COA1: variants seen among roughly 807,000 people sequenced by gnomAD.
COA1 encodes the protein cytochrome c oxidase assembly factor 1, also known as cytochrome c oxidase assembly factor 1 homolog.
Under a neutral mutation model 16.0 loss-of-function variants are expected in COA1, and 13 were observed. The ratio of observed to expected loss-of-function variants is 0.81; its 90% CI spans 0.53 to 1.29. The LOEUF is 1.29. COA1 is among the 50% of genes most tolerant of loss of function. The pLI is 0.00. For synonymous variants in COA1, 65 were observed against 65.7 expected, an observed-to-expected ratio of 0.99 and a Z score of 0.05; for missense variants, 179 against 177.0, an observed-to-expected ratio of 1.01 and a Z score of -0.06.
chr7:43,617,917 G>A (rs1195528707), intron 6 of COA1, among the ~76,000 whole-genome samples: 2 of 152,194 alleles, frequency 1.3e-5, no homozygotes, highest in Non-Finnish European at 2.9e-5. Context: ...TTTTGTCATG[G>A]GAGCCAAGAG....
chr7:43,661,353 C>T (rs890464186), intron 1 of COA1, among the ~76,000 whole-genome samples: 1 of 152,024 alleles, frequency 6.6e-6, no homozygotes, highest in Admixed American at 6.6e-5. Flanking sequence ...CAGACCTTTC[C>T]AGGCCGGGTG....
chr7:43,697,751 T>G (rs1162152055), intron 1 of COA1, among the ~76,000 whole-genome samples: 1 of 152,208 alleles, frequency 6.6e-6, no homozygotes, highest in Non-Finnish European at 1.5e-5. Flanking sequence ...CAGCTTCTTT[T>G]CCTTAAAAAG....
chr7:43,649,028 A>G, intron 1 of COA1: 1 of 177,098 alleles, frequency 5.6e-6, no homozygotes, highest in Non-Finnish European at 1.2e-5. Flanking sequence ...TGTACGTGAC[A>G]GAGTGAAAAC....
intron 1 of COA1, chr7:43,648,965 G>A (rs1420824255): frequency 4.2e-6 from 1 of 239,054 alleles, no homozygotes; most frequent in Admixed American, 5.1e-5. Context: ...ACAAACACAG[G>A]GCCAATCAAC....
intron 1 of COA1, chr7:43,711,499 T>C (rs1247527737): frequency 2.0e-5 from 3 of 152,144 alleles, no homozygotes; most frequent in Admixed American, 2.0e-4. Flanking sequence ...CTCTGATCCA[T>C]TGAGTCAAAA....
chr7:43,662,386 C>A (rs750122987), intron 1 of COA1, among the ~76,000 whole-genome samples: 7 of 152,188 alleles, frequency 4.6e-5, no homozygotes, highest in Non-Finnish European at 1.0e-4. Flanking sequence ...CCTGCCACCA[C>A]GCCCAGCTAA....
intron 1 of COA1, among the ~76,000 whole-genome samples, chr7:43,694,241 A>G (rs1179734351): frequency 1.4e-5 from 2 of 147,226 alleles, no homozygotes; most frequent in African/African-American, 4.9e-5. Flanking sequence ...CAAAAACACT[A>G]TAATAGCTCC....
intron 1 of COA1, among the ~76,000 whole-genome samples, chr7:43,690,072 T>C (rs1367236826): frequency 1.3e-5 from 2 of 152,054 alleles, no homozygotes; most frequent in Admixed American, 6.6e-5. Flanking sequence ...TCTGCAAGAA[T>C]GGCCATAATC....
chr7:43,627,937 C>A (rs1232796558), intron 6 of COA1, among the ~76,000 whole-genome samples: 2 of 152,104 alleles, frequency 1.3e-5, no homozygotes, highest in East Asian at 1.9e-4. Flanking sequence ...CTTTGAGATT[C>A]ATCTATGTCG....
intron 1 of COA1, among the ~76,000 whole-genome samples, chr7:43,712,037 G>A (rs934251402): frequency 3.9e-5 from 6 of 151,998 alleles, no homozygotes; most frequent in Non-Finnish European, 5.9e-5. Context: ...CCTCCACCGA[G>A]GTAGCTATTA....
At chr7:43,673,252 T>TA (rs1343684209) in intron 1 of COA1, among the ~76,000 whole-genome samples, 1 of 152,128 alleles carries the variant, frequency 6.6e-6, no homozygotes, top group Non-Finnish European at 1.5e-5. Context: ...ATGTGCAAAT[T>TA]ATGCATCCAA....
chr7:43,632,248 G>C (rs2085250192), intron 6 of COA1: 1 of 162,250 alleles, frequency 6.2e-6, no homozygotes, highest in South Asian at 2.0e-4. Context: ...CCATGAGAAG[G>C]AACTTCTCAT....
intron 3 of COA1, 39 bp downstream of exon 3, chr7:43,647,496 G>T: frequency 7.5e-7 from 1 of 1,338,994 alleles, no homozygotes; most frequent in Non-Finnish European, 1.1e-6. Flanking sequence ...GAGCAGGCTA[G>T]GAGGAGGTCA....
intron 1 of COA1, among the ~76,000 whole-genome samples, chr7:43,724,081 GAAATAGTCCTTTGGA>G (rs1297621829): frequency 2.0e-5 from 3 of 152,122 alleles, no homozygotes; most frequent in African/African-American, 7.2e-5. Context: ...CTTCAAGTAG[GAAATAGTCCTTTGGA>G]AAGGTAAACG....
At chr7:43,687,762 A>G (rs1283829724) in intron 1 of COA1, among the ~76,000 whole-genome samples, 1 of 152,086 alleles carries the variant, frequency 6.6e-6, no homozygotes, top group Non-Finnish European at 1.5e-5. Flanking sequence ...ATATCTTTTG[A>G]GCATCCCAAA....
At chr7:43,620,831 G>C (rs180965211) in intron 6 of COA1, among the ~76,000 whole-genome samples, 1 of 152,206 alleles carries the variant, frequency 6.6e-6, no homozygotes, top group South Asian at 2.1e-4. Context: ...CATCAGTGTG[G>C]AAGTCACCTA....
intron 4 of COA1, among the ~76,000 whole-genome samples, chr7:43,644,766 G>GA (rs1563228993): frequency 6.2e-5 from 5 of 80,686 alleles, no homozygotes; most frequent in African/African-American, 2.1e-4. Flanking sequence ...AGATAGGCAG[G>GA]CAGGCAGGCA....
intron 1 of COA1, among the ~76,000 whole-genome samples, chr7:43,660,704 T>C (rs1247596351): frequency 6.6e-6 from 1 of 152,182 alleles, no homozygotes; most frequent in Admixed American, 6.5e-5. Flanking sequence ...ATCTGTTTCC[T>C]AAATATCTTT....
intron 1 of COA1, among the ~76,000 whole-genome samples, chr7:43,664,103 A>AAGAGAGAAAGAGAGAGAGAG (rs2092698672): frequency 7.4e-6 from 1 of 135,144 alleles, no homozygotes; most frequent in African/African-American, 3.0e-5. Flanking sequence ...TGTCTTTAGA[A>AAGAGAGAAAGAGAGAGAGAG]AGAGAGAGAG....
Sources: gnomAD v4.1 joint callset for allele counts (sites outside exome capture counted in the v4.1 genomes callset) on GRCh38, gnomAD v4.1.1 for gene constraint, MANE v1.5 for transcripts, NCBI Gene and HGNC (gene_info 2026-07-23, HGNC 2026-07-21) for gene names.